The following ASIP variants were observed in gnomAD, a reference collection of about 807,000 sequenced individuals.
ASIP encodes the protein agouti-signaling protein.
Under a neutral mutation model 10.3 loss-of-function variants are expected in ASIP, and 11 were observed. That is an observed-to-expected ratio of 1.07 (90% CI 0.68 to 1.78). ASIP has a LOEUF of 1.78. ASIP is among the 40% of genes most tolerant of loss of function. The probability of loss-of-function intolerance (pLI) is 0.00; values close to 1 mark genes in which losing one functional copy is unlikely to be tolerated. For synonymous variants in ASIP, 70 were observed against 70.8 expected (o/e 0.99, Z 0.06); for missense variants, 180 against 169.2 (o/e 1.06, Z -0.35).
At chr20:34,197,151 G>T (rs187822780) in intron 1 of ASIP, among the ~76,000 whole-genome samples, 69 of 152,212 alleles carry the variant, frequency 4.5e-4, no homozygotes, top group Non-Finnish European at 9.0e-4. Flanking sequence ...GAGGCAGGTG[G>T]ATCACGAGGT....
At chr20:34,213,561 C>T (rs547633483) in intron 1 of ASIP, 19 of 1,544,316 alleles carry the variant, frequency 1.2e-5, no homozygotes, top group Admixed American at 1.8e-5. Flanking sequence ...TTGCATGAAG[C>T]AGGGGCATGA....
upstream of ASIP, among the ~76,000 whole-genome samples, chr20:34,238,587 T>C (rs1256949692): frequency 5.9e-5 from 9 of 152,306 alleles, no homozygotes; most frequent in African/African-American, 2.2e-4. Context: ...CACATCTTCC[T>C]TTAGTTCTCT....
chr20:34,214,069 A>C, intron 1 of ASIP: 1 of 1,236,850 alleles, frequency 8.1e-7, no homozygotes, highest in Non-Finnish European at 1.2e-6. Context: ...CATCACTCCA[A>C]CTGTCTCATA....
intron 1 of ASIP, among the ~76,000 whole-genome samples, chr20:34,232,795 C>G (rs563001544): frequency 1.3e-4 from 20 of 152,306 alleles, no homozygotes; most frequent in African/African-American, 4.8e-4. Context: ...CAGGCCATGT[C>G]CACATGAGTT....
chr20:34,243,758 T>TAA (rs760280764), intron 1 of ASIP, among the ~76,000 whole-genome samples: 18,082 of 133,950 alleles, frequency 0.13, 3,888 homozygotes, highest in African/African-American at 0.45. Flanking sequence ...ATATTGTATT[T>TAA]AAAAAAAAAA....
At position 34,253,508 on chromosome 20, in the gene ASIP, C is replaced by T. The variant is rs187461624; in HGVS notation, c.-10-6857C>T. ...ATTTTTTAGAGACAGAGTCTTGCTCCGTTGCCCAGGCCGGAGTGCAATGGC... is the reference window on the plus strand; with the variant it reads ...ATTTTTTAGAGACAGAGTCTTGCTCTGTTGCCCAGGCCGGAGTGCAATGGC... On this transcript the variant is annotated intron_variant, in intron 1 of 3. Coordinates refer to ENST00000374954, the MANE Select transcript of ASIP (RefSeq NM_001672.3). 2.2e-3 allele frequency among the ~76,000 whole-genome samples: 329 copies of T among 147,822 alleles called. 3 individuals are homozygous for T. The highest frequency in any genetic ancestry group is 3.8e-3 in the Non-Finnish European group (251 of 66,832).
At chr20:34,241,963 A>T (rs1334652901) in intron 1 of ASIP, among the ~76,000 whole-genome samples, 1 of 152,182 alleles carries the variant, frequency 6.6e-6, no homozygotes. Flanking sequence ...AATTCCATTT[A>T]TTGCAGACTC....
At chr20:34,249,159 T>C (rs1359329516) in intron 1 of ASIP, among the ~76,000 whole-genome samples, 3 of 152,108 alleles carry the variant, frequency 2.0e-5, no homozygotes, top group Non-Finnish European at 4.4e-5. Context: ...TGCAAATTTT[T>C]TCTCATACAG....
chr20:34,227,637 A>G (rs1226363919), intron 1 of ASIP, among the ~76,000 whole-genome samples: 1 of 151,938 alleles, frequency 6.6e-6, no homozygotes, highest in Non-Finnish European at 1.5e-5. Flanking sequence ...CTCAAAAAAA[A>G]AAAAAAAAAG....
chr20:34,190,512 A>G (rs1236263527), upstream of ASIP, among the ~76,000 whole-genome samples: 1 of 152,106 alleles, frequency 6.6e-6, no homozygotes, highest in East Asian at 1.9e-4. Context: ...TCCTATCTGC[A>G]TGTCTAGTTT....
At position 34,213,116 on chromosome 20, in the gene ASIP, T is replaced by C. The variant is rs1055146993; in HGVS notation, c.-11+18356T>C. ...GCCATGAGGACTCCACGCTTGTGAA[T>C]AGACCTAATGCTGCTATCATTATTG... On this transcript the variant is annotated intron_variant, in intron 1 of 3. Transcript: ENST00000568305. Among the ~76,000 whole-genome samples the C allele has an allele frequency of 6.6e-5, 10 of 152,226 alleles. No individual in the cohort carries two copies. The South Asian group carries it at 1.0e-3, about 16-fold the overall frequency.
chr20:34,192,355 C>T (rs1329908217), upstream of ASIP, among the ~76,000 whole-genome samples: 8 of 152,138 alleles, frequency 5.3e-5, no homozygotes, highest in Admixed American at 1.3e-4. Flanking sequence ...AACAGCGTCT[C>T]GCTCTCTTGC....
intron 3 of ASIP, among the ~76,000 whole-genome samples, chr20:34,267,736 G>A (rs1167018938): frequency 6.6e-6 from 1 of 151,494 alleles, no homozygotes; most frequent in Non-Finnish European, 1.5e-5. Context: ...TCTCCATGTC[G>A]GTCGGGCTGG....
chr20:34,257,328 A>T (rs926332864), intron 1 of ASIP, among the ~76,000 whole-genome samples: 2 of 151,886 alleles, frequency 1.3e-5, no homozygotes, highest in South Asian at 4.1e-4. Flanking sequence ...CAAGTGATCC[A>T]TTCGCTTCAG....
chr20:34,194,191 T>C (rs1435179887), upstream of ASIP, among the ~76,000 whole-genome samples: 1 of 152,074 alleles, frequency 6.6e-6, no homozygotes. Flanking sequence ...AAAGCAGTGC[T>C]GAGAGAGAGA....
chr20:34,267,269 G>A (rs1363310070), intron 3 of ASIP, among the ~76,000 whole-genome samples: 3 of 151,930 alleles, frequency 2.0e-5, no homozygotes, highest in Non-Finnish European at 4.4e-5. Flanking sequence ...AGAAATTACA[G>A]CACGGTAATG....
intron 1 of ASIP, among the ~76,000 whole-genome samples, chr20:34,248,576 C>T (rs980379844): frequency 2.0e-5 from 3 of 152,056 alleles, no homozygotes; most frequent in African/African-American, 4.8e-5. Context: ...GCCGAGGAGG[C>T]AGTGTCTCTT....
At chr20:34,214,450 C>T in intron 1 of ASIP, 1 of 1,512,100 alleles carries the variant, frequency 6.6e-7, no homozygotes, top group Non-Finnish European at 9.2e-7. Flanking sequence ...GCTTTTGAAA[C>T]ATCACCTGAG....
chr20:34,202,801 C>CTTTTTT (rs34156089), intron 1 of ASIP, among the ~76,000 whole-genome samples: 204 of 57,148 alleles, frequency 3.6e-3, no homozygotes, highest in Non-Finnish European at 4.8e-3. Context: ...CTTGGCTATT[C>CTTTTTT]TTTTTTTTTT....
Sources: allele counts gnomAD v4.1 joint callset (sites outside exome capture counted in the v4.1 genomes callset), GRCh38; gene constraint gnomAD v4.1.1; transcripts MANE v1.5; gene names NCBI Gene and HGNC (gene_info 2026-07-23, HGNC 2026-07-21).